SPECC1: variants seen among roughly 807,000 people sequenced by gnomAD.
The protein encoded by SPECC1 is sperm antigen with calponin homology and coiled-coil domains 1.
SPECC1 carries 62 observed loss-of-function variants against 104.1 expected under a neutral mutation model. The ratio of observed to expected loss-of-function variants is 0.60; its 90% CI spans 0.49 to 0.74. The LOEUF is 0.74. Ranked by LOEUF, SPECC1 falls within the 30% of genes least tolerant of loss-of-function variation. The pLI is 0.00. For missense variants in SPECC1, 1,306 were observed against 1,310.5 expected (o/e 1.00, Z 0.05); for synonymous variants, 513 against 501.6 (o/e 1.02, Z -0.30).
At position 20,314,481 on chromosome 17, in the gene SPECC1, A is replaced by C; in HGVS notation, c.*416A>C. The C allele has an allele frequency of 6.7e-6, 2 of 298,098 alleles. No homozygotes were observed. Among genetic ancestry groups the C allele is most frequent in the Non-Finnish European group, 6.5e-6 (1 of 154,426 alleles). 18.5% of individuals were successfully genotyped at this position (298,098 alleles called of 1,614,324 possible). A position where few individuals can be genotyped will look rare whatever the true frequency, so the allele number is the denominator to read the frequency against. On this transcript the variant is annotated 3_prime_UTR_variant, in exon 15 of 15. Coordinates refer to ENST00000395527, the MANE Select transcript of SPECC1 (RefSeq NM_001243439.2). ...AATATCCCGGCTTTGCCTTTATGAA[A>C]CCTTTGCCCTTGGCTGGGTGTGGTA...
chr17:20,057,178 A>G (rs1173089184), intron 1 of SPECC1, among the ~76,000 whole-genome samples: 1 of 152,180 alleles, frequency 6.6e-6, no homozygotes, highest in African/African-American at 2.4e-5. Context: ...GCGGTGGCTC[A>G]TGCCTGTAAT....
intron 12 of SPECC1, among the ~76,000 whole-genome samples, chr17:20,275,437 T>A (rs2040545029): frequency 6.6e-6 from 1 of 152,178 alleles, no homozygotes; most frequent in South Asian, 2.1e-4. Context: ...GCAATAGGTA[T>A]TTATTTTACC....
At chr17:20,162,951 C>T (rs142264759) in intron 3 of SPECC1, among the ~76,000 whole-genome samples, 314 of 152,316 alleles carry the variant, frequency 2.1e-3, no homozygotes, top group Middle Eastern at 6.8e-3. Context: ...TCCCTTGAAC[C>T]TGGGAGGCGG....
intron 1 of SPECC1, among the ~76,000 whole-genome samples, chr17:20,073,389 G>A (rs752422340): frequency 3.3e-5 from 5 of 152,198 alleles, no homozygotes; most frequent in Non-Finnish European, 7.3e-5. Context: ...TTACATTTTG[G>A]AGAGGTACAA....
intron 1 of SPECC1, among the ~76,000 whole-genome samples, chr17:20,087,566 A>G (rs2047224471): frequency 6.6e-6 from 1 of 152,084 alleles, no homozygotes; most frequent in Non-Finnish European, 1.5e-5. Flanking sequence ...GGGACTGTGT[A>G]CCTTTGTAGA....
At chr17:20,271,500 A>G (rs1051519942) in intron 12 of SPECC1, among the ~76,000 whole-genome samples, 1 of 152,120 alleles carries the variant, frequency 6.6e-6, no homozygotes, top group African/African-American at 2.4e-5. Context: ...CTTGCCTTAC[A>G]CTTAAAATCG....
intron 3 of SPECC1, among the ~76,000 whole-genome samples, chr17:20,190,624 A>G (rs1342291626): frequency 6.6e-6 from 1 of 152,162 alleles, no homozygotes; most frequent in Non-Finnish European, 1.5e-5. Context: ...ACCCACACCG[A>G]TGTAACATTG....
intron 7 of SPECC1, among the ~76,000 whole-genome samples, chr17:20,232,867 C>T (rs118149513): frequency 2.4e-4 from 36 of 152,292 alleles, no homozygotes; most frequent in Non-Finnish European, 2.4e-4. Flanking sequence ...ATTGAGAACA[C>T]CCATGAGCTA....
intron 12 of SPECC1, among the ~76,000 whole-genome samples, chr17:20,288,484 C>A (rs972733951): frequency 1.3e-5 from 2 of 152,060 alleles, no homozygotes; most frequent in Admixed American, 1.3e-4. Flanking sequence ...ATGAAAAAAA[C>A]CTCAACATCA....
At chr17:20,156,153 C>T in intron 3 of SPECC1, 1 of 1,432,084 alleles carries the variant, frequency 7.0e-7, no homozygotes. Flanking sequence ...GGTGGACACC[C>T]GGTCCGAGGC....
chr17:20,155,031 TAG>T (rs1448771648), intron 3 of SPECC1, among the ~76,000 whole-genome samples: 5 of 152,124 alleles, frequency 3.3e-5, no homozygotes, highest in African/African-American at 1.2e-4. Context: ...AGTCTGGAGT[TAG>T]AAGAGGGAAC....
chr17:20,098,564 G>A (rs2047765003), intron 2 of SPECC1, among the ~76,000 whole-genome samples: 1 of 152,208 alleles, frequency 6.6e-6, no homozygotes, highest in African/African-American at 2.4e-5. Flanking sequence ...TGCCTCTCAG[G>A]TGTGGTCTCG....
At chr17:20,297,758 AACCTCCT>A (rs1253343455) in intron 13 of SPECC1, among the ~76,000 whole-genome samples, 1 of 152,176 alleles carries the variant, frequency 6.6e-6, no homozygotes, top group Non-Finnish European at 1.5e-5. Context: ...CCTGACCTAG[AACCTCCT>A]ACAAAATGTC....
At chr17:20,126,685 C>T (rs1235173488) in intron 3 of SPECC1, among the ~76,000 whole-genome samples, 2 of 152,158 alleles carry the variant, frequency 1.3e-5, no homozygotes, top group Non-Finnish European at 2.9e-5. Context: ...CTGGTTCTTG[C>T]TGTTTTGTGC....
In SPECC1 at chr17:20,022,322, A is replaced by C. The variant is rs117539419; in HGVS notation, c.-22+12898A>C. On this transcript the variant is annotated intron_variant, in intron 1 of 14. Transcript: ENST00000395527. ...TTTATATATGCTTGTTATCTTTTTG[A>C]GTTTCCATTGACATAAGTTGCCTGT... 1.6e-3 allele frequency among the ~76,000 whole-genome samples: 250 copies of C among 152,158 alleles called. 1 individual carries two copies. The highest frequency in any genetic ancestry group is 4.8e-3 in the Admixed American group (74 of 15,286).
At chr17:20,132,792 T>C (rs2049720292) in intron 3 of SPECC1, among the ~76,000 whole-genome samples, 1 of 151,986 alleles carries the variant, frequency 6.6e-6, no homozygotes, top group South Asian at 2.1e-4. Flanking sequence ...CAGGCTGGAG[T>C]GCAGTGGCGT....
chr17:20,204,774 A>C lies in SPECC1; in HGVS notation c.725A>C (p.Asp242Ala), dbSNP rs1174290110. The change falls in exon 4 of 15, where the codon GAT becomes GCT. Residue 242 changes from aspartate to alanine, a missense_variant. By Grantham distance (126) the Asp-to-Ala change is moderately radical. This residue lies in a region of SPECC1 where 1,177 missense variants were observed against 1,139.9 expected (regional missense o/e 1.03). Coordinates refer to ENST00000395527, the MANE Select transcript of SPECC1 (RefSeq NM_001243439.2). ...KNKNFQKELSDLEEENRVLKE... is the reference protein window; with the variant it reads ...KNKNFQKELSALEEENRVLKE... ...AAGAACTTTCAGAAAGAGCTTTCCG[A>C]TCTAGAGGAAGAAAACCGGGTCCTG... 6.2e-7 allele frequency: 1 copy of C among 1,614,110 alleles called. No individual in the cohort carries two copies. The highest frequency in any genetic ancestry group is 2.2e-5 in the East Asian group (1 of 44,874).
chr17:20,158,914 C>T (rs900564951), intron 3 of SPECC1, among the ~76,000 whole-genome samples: 1 of 150,782 alleles, frequency 6.6e-6, no homozygotes, highest in Non-Finnish European at 1.5e-5. Flanking sequence ...CCGGCTGTTT[C>T]GTTTTTGTTT....
At chr17:20,171,324 C>G (rs2034073814) in intron 3 of SPECC1, among the ~76,000 whole-genome samples, 1 of 152,036 alleles carries the variant, frequency 6.6e-6, no homozygotes, top group African/African-American at 2.4e-5. Context: ...GTGCTTTATG[C>G]TTTCATAGGG....
Sources: allele counts gnomAD v4.1 joint callset (sites outside exome capture counted in the v4.1 genomes callset), GRCh38; gene constraint gnomAD v4.1.1; regional missense constraint gnomAD v4.1.1; transcripts MANE v1.5; gene names NCBI Gene and HGNC (gene_info 2026-07-23, HGNC 2026-07-21).